ADARB2: variants seen among roughly 807,000 people sequenced by gnomAD.
ADARB2 encodes inactive double-stranded RNA-specific editase B2.
In ADARB2, 25 loss-of-function variants were observed where a neutral mutation model predicts 62.2. That is an observed-to-expected ratio of 0.40 (90% CI 0.29 to 0.56). ADARB2 has a LOEUF of 0.56. Among genes scored for constraint, ADARB2 ranks in the 20% least tolerant of loss-of-function variants. The probability of loss-of-function intolerance (pLI) is 0.43; values close to 1 mark genes in which losing one functional copy is unlikely to be tolerated. For synonymous variants in ADARB2, 572 were observed against 500.8 expected (o/e 1.14, Z -1.90); for missense variants, 1,071 against 1,077.4 (o/e 0.99, Z 0.08).
At chr10:1,226,609 T>C (rs1589157579) in intron 6 of ADARB2, among the ~76,000 whole-genome samples, 1 of 152,162 alleles carries the variant, frequency 6.6e-6, no homozygotes, top group African/African-American at 2.4e-5. Flanking sequence ...CCTTTCTGTT[T>C]GTTAGTTTTC....
chr10:1,425,133 C>T (rs1026810380), intron 1 of ADARB2, among the ~76,000 whole-genome samples: 24 of 152,128 alleles, frequency 1.6e-4, no homozygotes, highest in African/African-American at 5.6e-4. Flanking sequence ...CTGTTTTGCT[C>T]CATGGTATTT....
intron 2 of ADARB2, among the ~76,000 whole-genome samples, chr10:1,366,077 G>A (rs1564270523): frequency 6.6e-6 from 1 of 152,174 alleles, no homozygotes; most frequent in Non-Finnish European, 1.5e-5. Flanking sequence ...GCAGCCATGC[G>A]TCTGTGACAA....
chr10:1,679,477 T>C (rs1175583401), intron 1 of ADARB2, among the ~76,000 whole-genome samples: 96 of 152,210 alleles, frequency 6.3e-4, no homozygotes, highest in Non-Finnish European at 1.6e-4. Flanking sequence ...TGCTATTATT[T>C]TGGCTTGAAA....
chr10:1,309,799 C>T (rs1348702224), intron 3 of ADARB2, among the ~76,000 whole-genome samples: 2 of 152,142 alleles, frequency 1.3e-5, no homozygotes, highest in Non-Finnish European at 1.5e-5. Context: ...TCATGAAGCA[C>T]TGCAACCTCT....
chr10:1,209,915 A>G (rs1837126871), intron 7 of ADARB2, among the ~76,000 whole-genome samples: 1 of 152,242 alleles, frequency 6.6e-6, no homozygotes, highest in Admixed American at 6.5e-5. Context: ...ATTCTAAGCC[A>G]CTGGAAAAAT....
chr10:1,622,547 G>C (rs1367897579), intron 1 of ADARB2, among the ~76,000 whole-genome samples: 1 of 152,012 alleles, frequency 6.6e-6, no homozygotes, highest in Non-Finnish European at 1.5e-5. Context: ...CACTAAAGAG[G>C]ACATGTAGAA....
chr10:1,295,530 G>A (rs866943462), intron 3 of ADARB2, among the ~76,000 whole-genome samples: 1 of 152,178 alleles, frequency 6.6e-6, no homozygotes, highest in Non-Finnish European at 1.5e-5. Flanking sequence ...GGGAGGACAA[G>A]AGGACCCTGA....
Position 1,363,760 on chromosome 10 carries a change from C to T in ADARB2, c.345G>A (p.Leu115=), listed in dbSNP as rs755325947. 1 of 1,605,634 alleles carries T rather than the reference C, an allele frequency of 6.2e-7. No homozygotes were observed. Among genetic ancestry groups the T allele is most frequent in the East Asian group, 2.2e-5 (1 of 44,796 alleles). The change falls in exon 3 of 10, where the codon CTG becomes CTA. Residue 115 remains leucine, a synonymous_variant. Coordinates refer to ENST00000381312, the MANE Select transcript of ADARB2 (RefSeq NM_018702.4). ...CCGACCACGACAGCTTCTTCCAGAC[C>T]AGCTGCAGTTTGCACAAGTGGCCCC... ...GNGGHLCKLQ[L]VWKKLSWSVA...
intron 1 of ADARB2, chr10:1,675,962 T>A (rs771220588): frequency 8.3e-6 from 8 of 969,030 alleles, no homozygotes; most frequent in Non-Finnish European, 8.6e-6. Context: ...CCCAGTTAGA[T>A]GAAGATGTGG....
intron 1 of ADARB2, among the ~76,000 whole-genome samples, chr10:1,714,791 C>A (rs1020250870): frequency 6.6e-6 from 1 of 152,212 alleles, no homozygotes; most frequent in African/African-American, 2.4e-5. Context: ...TCTCACTGGA[C>A]AGCCCATTGG....
rs912792031 is a variant in ADARB2, at chr10:1,477,537, G to A, written c.101-98377C>T. 6.6e-6 allele frequency among the ~76,000 whole-genome samples: 1 copy of A among 152,076 alleles called. No individual in the cohort carries two copies. Among genetic ancestry groups the A allele is most frequent in the Non-Finnish European group, 1.5e-5 (1 of 68,022 alleles). ...AAATCTGCCTTCTTTACCCACGACT[G>A]TCTTGGTAAATTCTTTTACCACCCG... On this transcript the variant is annotated intron_variant, in intron 1 of 9. Transcript: ENST00000381312. This position sits in a 1 kb window ranked among gnomAD's most constrained non-coding sequence, Gnocchi z 4.5.
At chr10:1,414,885 GGTTA>G (rs1832788909) in intron 1 of ADARB2, among the ~76,000 whole-genome samples, 1 of 152,192 alleles carries the variant, frequency 6.6e-6, no homozygotes. Flanking sequence ...GCTCATGGAT[GGTTA>G]GATAGATGGA....
chr10:1,714,156 T>TGAC (rs1204635741), intron 1 of ADARB2, among the ~76,000 whole-genome samples: 1 of 152,232 alleles, frequency 6.6e-6, no homozygotes, highest in Admixed American at 6.5e-5. Flanking sequence ...ATTTAAAAAT[T>TGAC]GACGCCAGGA....
intron 1 of ADARB2, among the ~76,000 whole-genome samples, chr10:1,409,168 A>T (rs893580044): frequency 6.7e-6 from 1 of 148,232 alleles, no homozygotes; most frequent in Non-Finnish European, 1.5e-5. Flanking sequence ...AGCCCGGGGC[A>T]GGTATCTCTG....
intron 1 of ADARB2, among the ~76,000 whole-genome samples, chr10:1,532,096 T>A (rs1223274048): frequency 2.0e-5 from 3 of 152,186 alleles, no homozygotes; most frequent in African/African-American, 7.2e-5. Flanking sequence ...AGGTAATTAT[T>A]GGTGCTCCCA....
At chr10:1,272,150 C>T (rs1433522498) in intron 3 of ADARB2, among the ~76,000 whole-genome samples, 1 of 152,198 alleles carries the variant, frequency 6.6e-6, no homozygotes, top group African/African-American at 2.4e-5. Flanking sequence ...GCCTGAGCCT[C>T]TGAGCAGCCA....
At chr10:1,324,810 TG>T (rs1225072191) in intron 3 of ADARB2, among the ~76,000 whole-genome samples, 2 of 152,102 alleles carry the variant, frequency 1.3e-5, no homozygotes, top group African/African-American at 2.4e-5. Flanking sequence ...ACAGTGCAGG[TG>T]GGCACACAAC....
At chr10:1,261,559 T>A (rs1327938157) in intron 4 of ADARB2, among the ~76,000 whole-genome samples, 1 of 150,154 alleles carries the variant, frequency 6.7e-6, no homozygotes, top group Admixed American at 6.6e-5. Flanking sequence ...ATGCTCATTA[T>A]CACTGGCCAT....
chr10:1,565,320 T>A (rs534719392), intron 1 of ADARB2, among the ~76,000 whole-genome samples: 2 of 152,210 alleles, frequency 1.3e-5, no homozygotes, highest in African/African-American at 4.8e-5. Context: ...GGAAAAATCA[T>A]TGCCTGCAAC....
Sources: allele counts gnomAD v4.1 joint callset (sites outside exome capture counted in the v4.1 genomes callset), GRCh38; gene constraint gnomAD v4.1.1; non-coding constraint Gnocchi (gnomAD v3.1); transcripts MANE v1.5; gene names NCBI Gene and HGNC (gene_info 2026-07-23, HGNC 2026-07-21).